ATG7: variants seen among roughly 807,000 people sequenced by gnomAD.
ATG7 encodes ubiquitin-like modifier-activating enzyme ATG7.
ATG7 carries 70 observed loss-of-function variants against 82.4 expected under a neutral mutation model. That is an observed-to-expected ratio of 0.85 (90% CI 0.70 to 1.04). The LOEUF (loss-of-function observed/expected upper bound fraction) is 1.04, where lower values mean the gene tolerates loss of function less well. ATG7 is among the 50% of genes least tolerant of loss of function. ATG7 has a pLI of 0.00. For synonymous variants in ATG7, 287 were observed against 313.0 expected, an observed-to-expected ratio of 0.92 and a Z score of 0.88; for missense variants, 792 against 864.3, an observed-to-expected ratio of 0.92 and a Z score of 1.05.
At chr3:11,429,928 A>G (rs959697024) in intron 20 of ATG7, among the ~76,000 whole-genome samples, 2 of 146,238 alleles carry the variant, frequency 1.4e-5, no homozygotes, top group Non-Finnish European at 3.0e-5. Context: ...CCTGGGCGAC[A>G]GAGCGAGACT....
At chr3:11,311,721 T>A (rs776993019) in intron 7 of ATG7, among the ~76,000 whole-genome samples, 1 of 151,744 alleles carries the variant, frequency 6.6e-6, no homozygotes, top group Non-Finnish European at 1.5e-5. Flanking sequence ...TCTCTGGAGG[T>A]GTTTTTGCTT....
At chr3:11,418,133 C>T (rs961367664) in intron 19 of ATG7, among the ~76,000 whole-genome samples, 1 of 151,650 alleles carries the variant, frequency 6.6e-6, no homozygotes, top group Non-Finnish European at 1.5e-5. Flanking sequence ...AAGGTAGGGT[C>T]TCACTCTGTT....
At chr3:11,378,636 G>A (rs2077620002) in intron 18 of ATG7, among the ~76,000 whole-genome samples, 1 of 126,850 alleles carries the variant, frequency 7.9e-6, no homozygotes, top group Non-Finnish European at 1.5e-5. Context: ...GGTGAGCTGA[G>A]ATCACACCAC....
At chr3:11,404,838 C>T (rs2080179964) in intron 19 of ATG7, among the ~76,000 whole-genome samples, 1 of 152,056 alleles carries the variant, frequency 6.6e-6, no homozygotes, top group Non-Finnish European at 1.5e-5. Context: ...GACTTATTCA[C>T]TATCATGAGA....
intron 20 of ATG7, among the ~76,000 whole-genome samples, chr3:11,456,653 C>G (rs923961032): frequency 3.9e-5 from 6 of 152,142 alleles, no homozygotes; most frequent in African/African-American, 7.2e-5. Context: ...TGAAAAGAAG[C>G]CTTATTTCTT....
chr3:11,548,952 G>A (rs940740587), intron 20 of ATG7, among the ~76,000 whole-genome samples: 2 of 152,262 alleles, frequency 1.3e-5, no homozygotes, highest in Admixed American at 1.3e-4. Context: ...CTCTGCAGGG[G>A]TTGGACTGCT....
At chr3:11,433,761 A>G (rs925745476) in intron 20 of ATG7, among the ~76,000 whole-genome samples, 1 of 152,202 alleles carries the variant, frequency 6.6e-6, no homozygotes, top group Admixed American at 6.5e-5. Flanking sequence ...CAGGGTTGCA[A>G]TTACAGTGCA....
At chr3:11,532,357 A>C (rs2092709569) in intron 20 of ATG7, among the ~76,000 whole-genome samples, 1 of 152,138 alleles carries the variant, frequency 6.6e-6, no homozygotes, top group South Asian at 2.1e-4. Flanking sequence ...GAGGAAACGG[A>C]GGAGGACAGA....
At chr3:11,423,357 A>T (rs1241897183) in intron 19 of ATG7, among the ~76,000 whole-genome samples, 3 of 152,244 alleles carry the variant, frequency 2.0e-5, no homozygotes, top group African/African-American at 7.2e-5. Context: ...ATAATGAAAA[A>T]GTTTGAAATA....
chr3:11,299,263 T>C, intron 4 of ATG7, 99 bp from the exon 5 acceptor site: 1 of 1,221,638 alleles, frequency 8.2e-7, no homozygotes, highest in South Asian at 1.2e-5. Context: ...TGGGGCGCCT[T>C]GGGCTCAACA....
intron 19 of ATG7, among the ~76,000 whole-genome samples, chr3:11,395,200 C>G (rs1242611729): frequency 6.6e-6 from 1 of 151,972 alleles, no homozygotes; most frequent in Non-Finnish European, 1.5e-5. Context: ...TTAGAAGAAA[C>G]TTCAGAGTGA....
chr3:11,498,476 C>CT (rs2091034455), intron 20 of ATG7, among the ~76,000 whole-genome samples: 1 of 152,148 alleles, frequency 6.6e-6, no homozygotes, highest in South Asian at 2.1e-4. Context: ...TATGGGCCAC[C>CT]TGCCTCTACC....
intron 20 of ATG7, among the ~76,000 whole-genome samples, chr3:11,456,642 C>G (rs979958167): frequency 6.6e-6 from 1 of 152,138 alleles, no homozygotes; most frequent in Non-Finnish European, 1.5e-5. Flanking sequence ...CCCTTGAGAG[C>G]TGAAAAGAAG....
chr3:11,336,901 G>A (rs1358256616), intron 11 of ATG7, among the ~76,000 whole-genome samples: 1 of 151,944 alleles, frequency 6.6e-6, no homozygotes, highest in Non-Finnish European at 1.5e-5. Context: ...TTGAACTCCT[G>A]GGCTCAAGCA....
the ATG7 span, among the ~76,000 whole-genome samples, chr3:11,571,880 G>C: frequency 7.2e-5 from 11 of 152,088 alleles, no homozygotes; most frequent in Non-Finnish European, 1.5e-4. Flanking sequence ...GCCGAGGCCG[G>C]CAGATGGCTT....
At chr3:11,508,434 A>G (rs2091866939) in intron 20 of ATG7, among the ~76,000 whole-genome samples, 1 of 152,152 alleles carries the variant, frequency 6.6e-6, no homozygotes, top group African/African-American at 2.4e-5. Flanking sequence ...TGCGTTAGAC[A>G]AGCTTGGTCT....
chr3:11,520,935 G>C (rs999217092), intron 20 of ATG7, among the ~76,000 whole-genome samples: 1 of 152,180 alleles, frequency 6.6e-6, no homozygotes, highest in Non-Finnish European at 1.5e-5. Context: ...AAACAAGTGA[G>C]CATTTCCTTG....
intron 19 of ATG7, among the ~76,000 whole-genome samples, chr3:11,397,034 G>A (rs2079357335): frequency 6.6e-6 from 1 of 152,020 alleles, no homozygotes; most frequent in African/African-American, 2.4e-5. Flanking sequence ...AAAAAAACAA[G>A]TACAAGATAC....
chr3:11,358,990 A>G (rs951559003), intron 15 of ATG7, among the ~76,000 whole-genome samples: 3 of 152,226 alleles, frequency 2.0e-5, no homozygotes, highest in African/African-American at 7.2e-5. Context: ...ATGATGGAAT[A>G]GTATGCAGCC....
Sources: allele counts gnomAD v4.1 joint callset (sites outside exome capture counted in the v4.1 genomes callset), GRCh38; gene constraint gnomAD v4.1.1; transcripts MANE v1.5; gene names NCBI Gene and HGNC (gene_info 2026-07-23, HGNC 2026-07-21).